The following CSMD2 variants were observed in gnomAD, a reference collection of about 807,000 sequenced individuals.
CSMD2 encodes the protein CUB and Sushi multiple domains 2.
A neutral mutation model predicts 398.5 loss-of-function variants in CSMD2; 130 were observed. That is an observed-to-expected ratio of 0.33 (90% CI 0.28 to 0.38). CSMD2 has a LOEUF of 0.38. Ranked by LOEUF, CSMD2 falls within the 10% of genes least tolerant of loss-of-function variation. The pLI, the probability that CSMD2 is intolerant of heterozygous loss-of-function variation, is 1.00. For synonymous variants in CSMD2, 1,828 were observed against 1,908.5 expected (o/e 0.96, Z 1.10); for missense variants, 3,829 against 4,764.9 (o/e 0.80, Z 5.78).
Position 33,778,520 on chromosome 1 carries a change from G to A in CSMD2, c.1664-5769C>T, listed in dbSNP as rs184986094. Among the ~76,000 whole-genome samples the A allele has an allele frequency of 5.9e-5, 9 of 151,592 alleles. No individual in the cohort carries two copies. The East Asian group carries it at 9.8e-4, about 16-fold the overall frequency. ...CCCCCTCACTCCCACCCCCTAGAAT[G>A]TAAGCCCCATGAAGGCAGGCATCCA... On this transcript the variant is annotated intron_variant, in intron 12 of 70. Coordinates refer to ENST00000373381, the MANE Select transcript of CSMD2 (RefSeq NM_001281956.2).
Position 33,636,307 on chromosome 1 carries a change from C to T in CSMD2, c.4969+53G>A, listed in dbSNP as rs1642798227. ...TTCCCCAGCCCACAGCACCCTCTGC[C>T]CCTGGCATGCCCTCAGTTCCTCAGA... is the stretch of plus-strand genomic sequence containing the variant. On this transcript the variant is annotated intron_variant, in intron 30 of 70. Coordinates refer to ENST00000373381, the MANE Select transcript of CSMD2 (RefSeq NM_001281956.2). The surrounding 1 kb of genome is among the most constrained non-coding windows in gnomAD (Gnocchi z 4.8). The T allele has an allele frequency of 3.3e-6, 5 of 1,502,554 alleles. No homozygotes were observed. The South Asian group carries it at 3.8e-5, about 11-fold the overall frequency. 93.1% of individuals were successfully genotyped at this position (1,502,554 alleles called of 1,614,324 possible). A position where few individuals can be genotyped will look rare whatever the true frequency, so the allele number is the denominator to read the frequency against.
chr1:33,718,896 C>T (rs1346933468), intron 19 of CSMD2, among the ~76,000 whole-genome samples: 3 of 152,216 alleles, frequency 2.0e-5, no homozygotes, highest in African/African-American at 7.2e-5. Context: ...CAGAACCCAA[C>T]AGAAGCGATG....
Position 34,075,085 on chromosome 1 carries a change from T to C in CSMD2, c.404+13892A>G, listed in dbSNP as rs556434632. 3.9e-5 allele frequency among the ~76,000 whole-genome samples: 6 copies of C among 152,372 alleles called. No homozygotes were observed. The South Asian group carries it at 8.3e-4, about 21-fold the overall frequency. On this transcript the variant is annotated intron_variant, in intron 2 of 70. Coordinates refer to ENST00000373381, the MANE Select transcript of CSMD2 (RefSeq NM_001281956.2). ...GTGTCTCTGATACCTGGCATTCCTG[T>C]TAGGCATTCAATAAATGTAGAATAA... is the stretch of plus-strand genomic sequence containing the variant.
intron 5 of CSMD2, among the ~76,000 whole-genome samples, chr1:33,878,900 G>A (rs776014502): frequency 3.7e-4 from 57 of 152,338 alleles, no homozygotes; most frequent in Admixed American, 2.3e-3. Flanking sequence ...AAAGCAAAGA[G>A]AATATCTATT....
At chr1:34,119,580 T>C (rs1022719753) in intron 1 of CSMD2, among the ~76,000 whole-genome samples, 7 of 152,182 alleles carry the variant, frequency 4.6e-5, no homozygotes, top group African/African-American at 1.7e-4. Flanking sequence ...AATAACTGAA[T>C]GAATAATCTG....
intron 4 of CSMD2, among the ~76,000 whole-genome samples, chr1:33,926,841 A>C (rs1433161557): frequency 6.6e-6 from 1 of 152,298 alleles, no homozygotes; most frequent in South Asian, 2.1e-4. Flanking sequence ...ATTAGCCATA[A>C]TTTTAGAGAA....
intron 5 of CSMD2, among the ~76,000 whole-genome samples, chr1:33,906,806 G>A (rs550868211): frequency 6.6e-6 from 1 of 152,124 alleles, no homozygotes; most frequent in Non-Finnish European, 1.5e-5. Flanking sequence ...GAAATAGGTA[G>A]TACCTGAAAT....
chr1:33,591,628 T>C (rs1639464172), intron 44 of CSMD2, among the ~76,000 whole-genome samples: 1 of 152,210 alleles, frequency 6.6e-6, no homozygotes. Context: ...TGATTCTTTT[T>C]ATTTTCTTTT....
At chr1:33,787,125 C>G (rs1653627963) in intron 12 of CSMD2, among the ~76,000 whole-genome samples, 2 of 152,112 alleles carry the variant, frequency 1.3e-5, no homozygotes, top group South Asian at 4.1e-4. Flanking sequence ...CAGCTACAGC[C>G]AAGGAACAGC....
chr1:33,724,468 G>A, intron 18 of CSMD2, 48 bp downstream of exon 18: 2 of 1,587,160 alleles, frequency 1.3e-6, no homozygotes, highest in Admixed American at 3.4e-5. Flanking sequence ...TGTTTCTGTG[G>A]CAGGAGAGGA....
intron 6 of CSMD2, among the ~76,000 whole-genome samples, chr1:33,837,650 A>C (rs1446152062): frequency 2.6e-5 from 4 of 152,262 alleles, no homozygotes; most frequent in African/African-American, 9.6e-5. Flanking sequence ...TACATATTCA[A>C]GCACATGTAA....
rs187610380 is a variant in CSMD2, at chr1:33,953,055, C to T, written c.518-17101G>A. Among the ~76,000 whole-genome samples, 22 of 152,344 alleles carry T rather than the reference C, an allele frequency of 1.4e-4. 1 individual carries two copies. Among genetic ancestry groups the T allele is most frequent in the African/African-American group, 5.1e-4 (21 of 41,578 alleles). On this transcript the variant is annotated intron_variant, in intron 3 of 70. Transcript: ENST00000373381. ...AAAATTCCATCTTCCCTTCTTGGGG[C>T]ACACAGCTAGACAACCTTTCCTAGA...
At chr1:33,962,487 T>G (rs1297709152) in intron 3 of CSMD2, among the ~76,000 whole-genome samples, 3 of 152,208 alleles carry the variant, frequency 2.0e-5, no homozygotes, top group African/African-American at 7.2e-5. Flanking sequence ...CAGGATTCAC[T>G]TGACAAACAT....
intron 49 of CSMD2, 143 bp downstream of exon 49, chr1:33,577,153 A>G: frequency 3.9e-6 from 3 of 770,530 alleles, no homozygotes; most frequent in South Asian, 4.0e-5. Flanking sequence ...GCTACGCACT[A>G]CAGATCTTGT....
chr1:33,929,404 G>A (rs1644237327), intron 4 of CSMD2, among the ~76,000 whole-genome samples: 1 of 146,462 alleles, frequency 6.8e-6, no homozygotes, highest in Admixed American at 6.8e-5. Flanking sequence ...TCCCCTGGTT[G>A]CCTCCTGAAC....
At chr1:33,581,284 AG>A (rs1334481915) in intron 47 of CSMD2, among the ~76,000 whole-genome samples, 2 of 147,536 alleles carry the variant, frequency 1.4e-5, no homozygotes, top group East Asian at 4.1e-4. Context: ...CATTTTGGGA[AG>A]GTGAGGCAGG....
intron 66 of CSMD2, among the ~76,000 whole-genome samples, chr1:33,523,851 C>T (rs765022926): frequency 1.1e-4 from 17 of 152,118 alleles, no homozygotes; most frequent in Non-Finnish European, 2.1e-4. Flanking sequence ...GGTGTGTGCA[C>T]GTATGAATGC....
chr1:33,833,825 C>T (rs1014778879), intron 6 of CSMD2, among the ~76,000 whole-genome samples: 14 of 152,182 alleles, frequency 9.2e-5, no homozygotes, highest in African/African-American at 3.1e-4. Context: ...AATCAATGTA[C>T]AAAAATCACA....
chr1:33,920,087 C>A (rs1011882645), intron 4 of CSMD2, among the ~76,000 whole-genome samples: 1 of 151,988 alleles, frequency 6.6e-6, no homozygotes, highest in Non-Finnish European at 1.5e-5. Flanking sequence ...CAGGGAAGAC[C>A]CCACTGAGAA....
Sources: gnomAD v4.1 joint callset for allele counts (sites outside exome capture counted in the v4.1 genomes callset) on GRCh38, gnomAD v4.1.1 for gene constraint, Gnocchi (gnomAD v3.1) non-coding constraint, MANE v1.5 for transcripts, NCBI Gene and HGNC (gene_info 2026-07-23, HGNC 2026-07-21) for gene names.